Variants in MOBP observed in about 807,000 individuals in gnomAD.
MOBP encodes myelin associated oligodendrocyte basic protein, also known as myelin-associated oligodendrocyte basic protein.
MOBP carries 5 observed loss-of-function variants against 15.0 expected under a neutral mutation model. The observed-to-expected ratio is 0.33, with a 90% CI of 0.17 to 0.70. The LOEUF (loss-of-function observed/expected upper bound fraction) is 0.70. Ranked by LOEUF, MOBP falls within the 30% of genes least tolerant of loss-of-function variation. MOBP has a pLI of 0.67. For missense variants in MOBP, 188 were observed against 257.8 expected, an observed-to-expected ratio of 0.73 and a Z score of 1.85; for synonymous variants, 88 against 99.0, an observed-to-expected ratio of 0.89 and a Z score of 0.66.
chr3:39,470,303 G>A (rs1258046179), intron 1 of MOBP, among the ~76,000 whole-genome samples: 1 of 152,192 alleles, frequency 6.6e-6, no homozygotes, highest in Non-Finnish European at 1.5e-5. Context: ...GGCCAAAACT[G>A]TTAAAAACTG....
At chr3:39,484,446 C>T (rs535880779) in intron 2 of MOBP, among the ~76,000 whole-genome samples, 7 of 152,146 alleles carry the variant, frequency 4.6e-5, no homozygotes, top group Admixed American at 2.6e-4. Context: ...TCTGTGGCAA[C>T]GTGGAGGATA....
chr3:39,503,658 T>TTTTATTTATTTA (rs33931389), downstream of MOBP, among the ~76,000 whole-genome samples: 4 of 147,990 alleles, frequency 2.7e-5, no homozygotes, highest in African/African-American at 9.9e-5. Context: ...CTGGCCAATT[T>TTTTATTTATTTA]TTTATTTATT....
intron 2 of MOBP, chr3:39,499,858 T>G: frequency 2.8e-6 from 1 of 360,148 alleles, no homozygotes; most frequent in Non-Finnish European, 5.5e-6. Flanking sequence ...TCACTGTGTA[T>G]CTGCTTAGGT....
chr3:39,494,422 A>G (rs694365), intron 2 of MOBP, among the ~76,000 whole-genome samples: 47,240 of 151,596 alleles, frequency 0.31, 10,113 homozygotes, highest in African/African-American at 0.61. Context: ...TTTAGTTTTA[A>G]GTTATATGGA....
chr3:39,470,325 G>C (rs1446942258), intron 1 of MOBP, among the ~76,000 whole-genome samples: 2 of 152,084 alleles, frequency 1.3e-5, no homozygotes, highest in African/African-American at 4.8e-5. Flanking sequence ...CCCCTTATGG[G>C]GACAGGAATC....
downstream of MOBP, chr3:39,526,222 C>A (rs1174420701): frequency 2.0e-5 from 3 of 152,204 alleles, no homozygotes; most frequent in Non-Finnish European, 4.4e-5. Context: ...CACACATTTG[C>A]TATGGAATGA....
rs1015733108 is a variant in MOBP, at chr3:39,512,515, C to T, written c.*-868C>T. 2.0e-5 allele frequency among the ~76,000 whole-genome samples: 3 copies of T among 152,280 alleles called. No homozygotes were observed. In the South Asian group the frequency reaches 6.2e-4, roughly 32 times the overall value. The stretch of plus-strand genomic sequence containing the variant: ...TTCTGCATTTATTTTTTTCTGGTAT[C>T]CTCAATCCAGTTTGAAGGGTATCAG... On this transcript the variant is annotated intron_variant, in intron 4 of 4. Transcript: ENST00000311042.
chr3:39,518,459 A>T (rs139528510), downstream of MOBP, among the ~76,000 whole-genome samples: 130 of 152,278 alleles, frequency 8.5e-4, 3 homozygotes, highest in African/African-American at 3.0e-3. Context: ...TGATGAGTTA[A>T]TGATGCGTAT....
chr3:39,500,432 T>G (rs1005477562), intron 2 of MOBP, among the ~76,000 whole-genome samples: 2 of 152,178 alleles, frequency 1.3e-5, no homozygotes, highest in African/African-American at 2.4e-5. Context: ...CAAAAGCAGA[T>G]GAGCCTATAA....
intron 2 of MOBP, among the ~76,000 whole-genome samples, chr3:39,494,281 A>G (rs1295483885): frequency 6.6e-6 from 1 of 152,222 alleles, no homozygotes; most frequent in Non-Finnish European, 1.5e-5. Context: ...AATTACAAAT[A>G]TTAGATATAA....
At chr3:39,481,141 A>G (rs1024782938) in intron 2 of MOBP, among the ~76,000 whole-genome samples, 2 of 152,204 alleles carry the variant, frequency 1.3e-5, no homozygotes, top group African/African-American at 2.4e-5. Context: ...CATCTCCTCT[A>G]TGTCTACACC....
At chr3:39,488,593 G>C (rs560938501) in intron 2 of MOBP, among the ~76,000 whole-genome samples, 1 of 152,150 alleles carries the variant, frequency 6.6e-6, no homozygotes, top group Admixed American at 6.5e-5. Context: ...GGCTTAACCT[G>C]TGTGGAACAT....
chr3:39,528,084 A>G (rs1454933237), downstream of MOBP: 1 of 152,248 alleles, frequency 6.6e-6, no homozygotes, highest in Non-Finnish European at 1.5e-5. Context: ...AAGAAAAATT[A>G]GTTGCTCAAA....
chr3:39,480,230 A>T (rs1261041657), intron 2 of MOBP, 107 bp downstream of exon 2: 1 of 152,230 alleles, frequency 6.6e-6, no homozygotes, highest in Non-Finnish European at 1.5e-5. Flanking sequence ...CAAAAGAATG[A>T]GCAATCAAAT....
rs1170829170 is a variant in MOBP at position 39,502,844 on chromosome 3, T to TG, written c.522dup (p.Ser175ValfsTer7). 8.7e-6 allele frequency: 13 copies of TG among 1,486,334 alleles called. No individual in the cohort carries two copies. The highest frequency in any genetic ancestry group is 8.7e-5 in the South Asian group (7 of 80,642). The allele number at this position is 1,486,334 out of a possible 1,614,324, so 92.1% of individuals were successfully genotyped here. ...CCCTCAGAGGGCCAGGCGCCAGCCG[T>TG]GGGGGGTCCCCCGTCAAAGCTTCTA... On this transcript the variant is annotated frameshift_variant, in exon 4 of 4. Transcript: ENST00000684792. LOFTEE classifies it high-confidence loss of function. The surrounding 1 kb of genome is among the most constrained non-coding windows in gnomAD (Gnocchi z 6.3).
rs553130785 is a variant in MOBP at position 39,487,240 on chromosome 3, G to T, written c.-5+7117G>T. On this transcript the variant is annotated intron_variant, in intron 2 of 3. Coordinates refer to ENST00000684792, the MANE Select transcript of MOBP (RefSeq NM_001393704.1). ...TTACAGGCATGAGCTACCATGCCCA[G>T]CCTGTAGTTTTTAATTTTGATGTAA... 3.1e-4 allele frequency among the ~76,000 whole-genome samples: 47 copies of T among 152,166 alleles called. No individual in the cohort carries two copies. In the Middle Eastern group the frequency reaches 0.01, roughly 33 times the overall value.
At chr3:39,509,394 T>C (rs550001417) in intron 4 of MOBP, among the ~76,000 whole-genome samples, 2 of 152,302 alleles carry the variant, frequency 1.3e-5, no homozygotes, top group South Asian at 4.1e-4. Flanking sequence ...CTTTAAAAAT[T>C]TTATTCATTC....
At position 39,484,366 on chromosome 3, in the gene MOBP, C is replaced by T. The variant is rs991261502; in HGVS notation, c.-5+4243C>T. On this transcript the variant is annotated intron_variant, in intron 2 of 3. Transcript: ENST00000684792. The stretch of plus-strand genomic sequence containing the variant: ...TGCCGTATTAATTGAGAAACAAGGA[C>T]TTGGTTCTGTAACTGAGGCGACCCT... Among the ~76,000 whole-genome samples, 4 of 152,214 alleles carry T rather than the reference C, an allele frequency of 2.6e-5. No homozygotes were observed. In the East Asian group the frequency reaches 5.8e-4, roughly 22 times the overall value.
chr3:39,494,742 A>T (rs561015048), intron 2 of MOBP, among the ~76,000 whole-genome samples: 9 of 149,998 alleles, frequency 6.0e-5, no homozygotes, highest in Admixed American at 5.3e-4. Flanking sequence ...TACATTAGTT[A>T]CAATTTTTTA....
Sources: allele counts gnomAD v4.1 joint callset (sites outside exome capture counted in the v4.1 genomes callset), GRCh38; gene constraint gnomAD v4.1.1; non-coding constraint Gnocchi (gnomAD v3.1); transcripts MANE v1.5; gene names NCBI Gene and HGNC (gene_info 2026-07-23, HGNC 2026-07-21).